Variants in CAMK1D observed in about 807,000 individuals in gnomAD.
The protein encoded by CAMK1D is calcium/calmodulin-dependent protein kinase type 1D.
A neutral mutation model predicts 47.7 loss-of-function variants in CAMK1D; 9 were observed. The observed-to-expected ratio is 0.19, with a 90% CI of 0.11 to 0.33. The LOEUF (loss-of-function observed/expected upper bound fraction) is 0.33, where lower values mean the gene tolerates loss of function less well. Among genes scored for constraint, CAMK1D ranks in the 10% least tolerant of loss-of-function variants. The probability of loss-of-function intolerance (pLI) is 1.00; values close to 1 mark genes in which losing one functional copy is unlikely to be tolerated. For missense variants in CAMK1D, 291 were observed against 488.7 expected (o/e 0.60, Z 3.81); for synonymous variants, 184 against 184.9 (o/e 0.99, Z 0.04).
chr10:12,387,599 A>G (rs61847397), intron 1 of CAMK1D, among the ~76,000 whole-genome samples: 26,641 of 147,896 alleles, frequency 0.18, 2,977 homozygotes, highest in East Asian at 0.33. Flanking sequence ...TTCCACCCAC[A>G]AGGCTCAAGT....
intron 2 of CAMK1D, among the ~76,000 whole-genome samples, chr10:12,644,405 G>A (rs559947732): frequency 2.0e-5 from 3 of 152,042 alleles, no homozygotes; most frequent in African/African-American, 7.2e-5. Context: ...CATTTTTTGC[G>A]ACCCATCAAA....
intron 1 of CAMK1D, among the ~76,000 whole-genome samples, chr10:12,490,054 G>C (rs532832541): frequency 6.6e-6 from 1 of 152,338 alleles, no homozygotes; most frequent in East Asian, 1.9e-4. Flanking sequence ...GGCTGGAGCA[G>C]GGGAGGGCAA....
intron 2 of CAMK1D, among the ~76,000 whole-genome samples, chr10:12,622,755 T>C (rs1459159450): frequency 1.3e-5 from 2 of 151,970 alleles, no homozygotes. Flanking sequence ...CAGTCAGACC[T>C]AAGCTCGTCA....
chr10:12,505,919 A>G (rs1436936089), intron 1 of CAMK1D, among the ~76,000 whole-genome samples: 1 of 152,160 alleles, frequency 6.6e-6, no homozygotes, highest in African/African-American at 2.4e-5. Flanking sequence ...ATGTCAATGG[A>G]AATCTACCAT....
At chr10:12,461,221 C>T (rs1833411931) in intron 1 of CAMK1D, among the ~76,000 whole-genome samples, 1 of 152,182 alleles carries the variant, frequency 6.6e-6, no homozygotes, top group Non-Finnish European at 1.5e-5. Context: ...AGAAAGGCAC[C>T]TGGCCACTCT....
rs143473238 is a variant in CAMK1D, at chr10:12,600,447, A to G, written c.224+47091A>G. ...CACGCTTGGTTTGTTTTAACAGAAT[A>G]TAGAGGGGTCAGTGAACGTGTGTTT... On this transcript the variant is annotated intron_variant, in intron 2 of 10. Coordinates refer to ENST00000619168, the MANE Select transcript of CAMK1D (RefSeq NM_153498.4). 4.3e-3 allele frequency among the ~76,000 whole-genome samples: 659 copies of G among 152,334 alleles called. 10 individuals carry two copies. Among genetic ancestry groups the G allele is most frequent in the African/African-American group, 0.014 (602 of 41,584 alleles).
At chr10:12,661,886 A>G (rs1342595031) in intron 2 of CAMK1D, among the ~76,000 whole-genome samples, 6 of 152,270 alleles carry the variant, frequency 3.9e-5, no homozygotes, top group African/African-American at 1.4e-4. Flanking sequence ...AACATGGGTT[A>G]CTAAGAACAA....
intron 1 of CAMK1D, among the ~76,000 whole-genome samples, chr10:12,407,115 C>T (rs561580298): frequency 1.3e-5 from 2 of 152,304 alleles, no homozygotes; most frequent in Non-Finnish European, 2.9e-5. Flanking sequence ...AAATGCCCCT[C>T]TCATCTCCAT....
intron 2 of CAMK1D, among the ~76,000 whole-genome samples, chr10:12,644,001 G>T (rs1839748197): frequency 6.6e-6 from 1 of 152,066 alleles, no homozygotes; most frequent in East Asian, 1.9e-4. Flanking sequence ...CTATATGATG[G>T]TGAGTTGTAG....
At chr10:12,568,493 C>T (rs1837213787) in intron 2 of CAMK1D, among the ~76,000 whole-genome samples, 1 of 111,240 alleles carries the variant, frequency 9.0e-6, no homozygotes, top group Admixed American at 1.0e-4. Flanking sequence ...TTTTCTCTCT[C>T]TCTCTCCTCC....
chr10:12,722,254 G>A (rs1389407013), intron 3 of CAMK1D, among the ~76,000 whole-genome samples: 1 of 151,766 alleles, frequency 6.6e-6, no homozygotes, highest in Non-Finnish European at 1.5e-5. Context: ...CCATCCCGGG[G>A]ATAACACAGT....
At chr10:12,437,113 A>T (rs1051180856) in intron 1 of CAMK1D, among the ~76,000 whole-genome samples, 5 of 150,858 alleles carry the variant, frequency 3.3e-5, no homozygotes, top group Admixed American at 6.6e-5. Flanking sequence ...CAGCAGCCAG[A>T]TTTTTTTTTC....
intron 1 of CAMK1D, among the ~76,000 whole-genome samples, chr10:12,543,653 A>G (rs890857943): frequency 6.6e-6 from 1 of 152,178 alleles, no homozygotes; most frequent in African/African-American, 2.4e-5. Context: ...AAACCCTTCA[A>G]TGTCTGTTTT....
intron 2 of CAMK1D, among the ~76,000 whole-genome samples, chr10:12,584,445 A>G (rs1265155568): frequency 3.3e-5 from 5 of 152,214 alleles, no homozygotes; most frequent in East Asian, 1.9e-4. Context: ...GTTGCTGTGC[A>G]TATTTTTTCT....
intron 4 of CAMK1D, among the ~76,000 whole-genome samples, chr10:12,761,375 C>A (rs757377093): frequency 6.6e-6 from 1 of 152,178 alleles, no homozygotes; most frequent in Non-Finnish European, 1.5e-5. Context: ...TCGAGCCTAT[C>A]TAAGAGACGA....
chr10:12,360,577 G>A (rs1360553923), intron 1 of CAMK1D, among the ~76,000 whole-genome samples: 1 of 152,188 alleles, frequency 6.6e-6, no homozygotes, highest in Non-Finnish European at 1.5e-5. Context: ...TTGAGAGGCT[G>A]CCAGTCATTT....
intron 2 of CAMK1D, among the ~76,000 whole-genome samples, chr10:12,590,739 A>G (rs1837972034): frequency 6.6e-6 from 1 of 152,342 alleles, no homozygotes; most frequent in Admixed American, 6.5e-5. Flanking sequence ...CATGATTAGA[A>G]TCACAGAAGC....
intron 6 of CAMK1D, among the ~76,000 whole-genome samples, chr10:12,796,143 A>G (rs1467383593): frequency 6.6e-6 from 1 of 152,194 alleles, no homozygotes; most frequent in Non-Finnish European, 1.5e-5. Flanking sequence ...AATTATGCTC[A>G]AGTATGCTGC....
At chr10:12,412,644 G>A (rs1318745454) in intron 1 of CAMK1D, among the ~76,000 whole-genome samples, 2 of 134,252 alleles carry the variant, frequency 1.5e-5, no homozygotes, top group East Asian at 2.4e-4. Flanking sequence ...AAAAAAAGTC[G>A]AGATCGTGTC....
Sources: allele counts gnomAD v4.1 joint callset (sites outside exome capture counted in the v4.1 genomes callset), GRCh38; gene constraint gnomAD v4.1.1; transcripts MANE v1.5; gene names NCBI Gene and HGNC (gene_info 2026-07-23, HGNC 2026-07-21).